The following DGKI variants were observed in gnomAD, a reference collection of about 807,000 sequenced individuals.
The protein encoded by DGKI is diacylglycerol kinase iota.
DGKI carries 55 observed loss-of-function variants against 147.5 expected under a neutral mutation model. The observed-to-expected ratio is 0.37, with a 90% confidence interval of 0.30 to 0.47. The LOEUF (loss-of-function observed/expected upper bound fraction) is 0.47. DGKI is among the 20% of genes least tolerant of loss of function. DGKI has a pLI of 1.00. For missense variants in DGKI, 1,007 were observed against 1,323.8 expected, an observed-to-expected ratio of 0.76 and a Z score of 3.71; for synonymous variants, 469 against 477.1, an observed-to-expected ratio of 0.98 and a Z score of 0.22.
intron 27 of DGKI, among the ~76,000 whole-genome samples, chr7:137,459,617 G>C (rs1160648669): frequency 2.0e-5 from 3 of 151,614 alleles, no homozygotes; most frequent in Non-Finnish European, 4.4e-5. Context: ...TGGGACTACG[G>C]GCGCCCGCCA....
At chr7:137,426,534 A>G (rs760167149) in intron 28 of DGKI, among the ~76,000 whole-genome samples, 4 of 152,222 alleles carry the variant, frequency 2.6e-5, no homozygotes, top group Admixed American at 6.5e-5. Flanking sequence ...GACAGGATCA[A>G]CTTCACACAT....
At chr7:137,735,984 G>A (rs921761116) in intron 1 of DGKI, among the ~76,000 whole-genome samples, 12 of 152,196 alleles carry the variant, frequency 7.9e-5, no homozygotes, top group Admixed American at 3.9e-4. Context: ...AACAGTGGCT[G>A]AAAATGACAG....
intron 7 of DGKI, among the ~76,000 whole-genome samples, chr7:137,621,988 CAG>C (rs1820764776): frequency 6.6e-6 from 1 of 152,180 alleles, no homozygotes; most frequent in African/African-American, 2.4e-5. Flanking sequence ...CTTGCTGGTA[CAG>C]AGTTTCATTC....
chr7:137,788,917 C>A (rs544192890), intron 1 of DGKI, among the ~76,000 whole-genome samples: 1 of 152,260 alleles, frequency 6.6e-6, no homozygotes, highest in South Asian at 2.1e-4. Context: ...CAACAGAATC[C>A]CTTTTTTCTT....
rs529710249 is a variant in DGKI at position 137,692,796 on chromosome 7, T to G, written c.402-2794A>C. Among the ~76,000 whole-genome samples, 21 of 152,342 alleles carry G rather than the reference T, an allele frequency of 1.4e-4. No homozygotes were observed. In the East Asian group the frequency reaches 3.9e-3, roughly 28 times the overall value. On this transcript the variant is annotated intron_variant, in intron 1 of 32. Coordinates refer to ENST00000614521, the MANE Select transcript of DGKI (RefSeq NM_001321708.2). The stretch of plus-strand genomic sequence containing the variant: ...CAAGTAAGGCCTTTTTGTTGATCAC[T>G]TATTTCTCTTTGTGGATACAAATTT...
Position 137,465,951 on chromosome 7 carries a change from T to TC in DGKI, c.2568dup (p.Thr857AspfsTer7). The TC allele has an allele frequency of 6.2e-7, 1 of 1,614,060 alleles. No individual in the cohort carries two copies. Among genetic ancestry groups the TC allele is most frequent in the Non-Finnish European group, 8.5e-7 (1 of 1,179,988 alleles). ...ACCAGGTCAGGCATGCCCGGAGGTGTCCCCGCCGGCTGTGACACCACCATA... is the reference window on the plus strand; with the variant it reads ...ACCAGGTCAGGCATGCCCGGAGGTGTCCCCCGCCGGCTGTGACACCACCATA... On this transcript the variant is annotated frameshift_variant, in exon 26 of 33. Transcript: ENST00000614521. LOFTEE classifies it high-confidence loss of function.
chr7:137,418,776 G>T (rs1327524995), intron 28 of DGKI, among the ~76,000 whole-genome samples: 21 of 152,044 alleles, frequency 1.4e-4, no homozygotes, highest in Non-Finnish European at 2.9e-5. Context: ...GCTAAACAAA[G>T]AATGGCTTGA....
chr7:137,543,751 C>T (rs1210277582), intron 20 of DGKI, among the ~76,000 whole-genome samples: 2 of 152,156 alleles, frequency 1.3e-5, no homozygotes, highest in Non-Finnish European at 2.9e-5. Context: ...CTAACTTCTA[C>T]AGGACCAAAG....
chr7:137,517,335 GAA>G lies in DGKI; in HGVS notation c.2248+4529_2248+4530del, dbSNP rs1220902914. ...AGAAAGAAAGAAAGAAAGAAAGAAAGAAAGAGAAAGAAAGAAAGAAGGAAAGA... is the reference window on the plus strand; with the variant it reads ...AGAAAGAAAGAAAGAAAGAAAGAAAGAGAGAAAGAAAGAAAGAAGGAAAGA... On this transcript the variant is annotated intron_variant, in intron 21 of 32. Transcript: ENST00000614521. 5.4e-3 allele frequency among the ~76,000 whole-genome samples: 603 copies of G among 111,220 alleles called. 14 individuals carry two copies. The highest frequency in any genetic ancestry group is 0.037 in the Admixed American group (352 of 9,420). 73.0% of individuals were successfully genotyped at this position (111,220 alleles called of 152,430 possible). A position where few individuals can be genotyped will look rare whatever the true frequency, so the allele number is the denominator to read the frequency against.
At chr7:137,521,793 C>A in intron 21 of DGKI, 73 bp downstream of exon 21, 2 of 1,064,240 alleles carry the variant, frequency 1.9e-6, no homozygotes, top group Non-Finnish European at 2.9e-6. Flanking sequence ...TGAATCTACC[C>A]ATCAAACCAA....
intron 3 of DGKI, among the ~76,000 whole-genome samples, chr7:137,668,695 C>A (rs1025930053): frequency 1.3e-5 from 2 of 152,128 alleles, no homozygotes; most frequent in African/African-American, 4.8e-5. Context: ...AGTATGATAG[C>A]TAGTAAGTGG....
rs945930798 is a variant in DGKI, at chr7:137,385,847, C to A, written c.*5373G>T. 2 of 152,130 alleles carry A rather than the reference C, an allele frequency of 1.3e-5. No individual in the cohort carries two copies. The highest frequency in any genetic ancestry group is 4.8e-5 in the African/African-American group (2 of 41,446). The allele number at this position is 152,130 out of a possible 1,614,324, so 9.4% of individuals were successfully genotyped here. ...GGTTGAATTTCCAGCCCATGCTGGA[C>A]ACCCTGGGGTTCTCCTGCACTGCAC... On this transcript the variant is annotated 3_prime_UTR_variant, in exon 33 of 33. Coordinates refer to ENST00000614521, the MANE Select transcript of DGKI (RefSeq NM_001321708.2).
intron 28 of DGKI, among the ~76,000 whole-genome samples, chr7:137,434,115 T>A (rs1344673667): frequency 2.5e-5 from 3 of 118,104 alleles, no homozygotes; most frequent in African/African-American, 9.8e-5. Context: ...TGAAACTCCA[T>A]CTCAAAAAAA....
At chr7:137,470,110 A>G (rs1174738578) in intron 23 of DGKI, among the ~76,000 whole-genome samples, 2 of 152,208 alleles carry the variant, frequency 1.3e-5, no homozygotes, top group East Asian at 1.9e-4. Context: ...AAGAAAATCA[A>G]CCTCGCATAC....
At chr7:137,420,740 C>T (rs1405194239) in intron 28 of DGKI, among the ~76,000 whole-genome samples, 2 of 152,008 alleles carry the variant, frequency 1.3e-5, no homozygotes, top group Non-Finnish European at 2.9e-5. Context: ...CAGATGTGAC[C>T]GAGCACTGTG....
Position 137,538,545 on chromosome 7 carries a change from T to G in DGKI, c.2147+13824A>C, listed in dbSNP as rs567808062. 9.2e-5 allele frequency among the ~76,000 whole-genome samples: 14 copies of G among 152,360 alleles called. No homozygotes were observed. In the East Asian group the frequency reaches 2.7e-3, roughly 29 times the overall value. The stretch of plus-strand genomic sequence containing the variant: ...TTTAAATTGCAACTGCTGTGCAAGA[T>G]GGTATATTACACTTAACATATGTTA... On this transcript the variant is annotated intron_variant, in intron 20 of 32. Coordinates refer to ENST00000614521, the MANE Select transcript of DGKI (RefSeq NM_001321708.2).
chr7:137,614,873 A>G (rs187243940), intron 8 of DGKI, among the ~76,000 whole-genome samples: 51 of 152,214 alleles, frequency 3.4e-4, no homozygotes, highest in Admixed American at 2.2e-3. Context: ...AAATATCCCA[A>G]ATAAAGCTGA....
intron 21 of DGKI, among the ~76,000 whole-genome samples, chr7:137,498,238 G>A (rs1193076017): frequency 1.3e-5 from 2 of 151,294 alleles, no homozygotes; most frequent in Non-Finnish European, 3.0e-5. Context: ...TAAAAAAGTA[G>A]AGCAAAAATA....
At chr7:137,539,571 A>T (rs2128960437) in intron 20 of DGKI, among the ~76,000 whole-genome samples, 1 of 152,260 alleles carries the variant, frequency 6.6e-6, no homozygotes, top group South Asian at 2.1e-4. Context: ...AGCAATGCAA[A>T]GACTTTGGTA....
Sources: allele counts gnomAD v4.1 joint callset (sites outside exome capture counted in the v4.1 genomes callset), GRCh38; gene constraint gnomAD v4.1.1; transcripts MANE v1.5; gene names NCBI Gene and HGNC (gene_info 2026-07-23, HGNC 2026-07-21).